CNTFR: variants seen among roughly 807,000 people sequenced by gnomAD.
CNTFR encodes ciliary neurotrophic factor receptor subunit alpha.
In CNTFR, 12 loss-of-function variants were observed where a neutral mutation model predicts 40.4. That is an observed-to-expected ratio of 0.30 (90% CI 0.19 to 0.48). The LOEUF (loss-of-function observed/expected upper bound fraction) is 0.48. Among genes scored for constraint, CNTFR ranks in the 20% least tolerant of loss-of-function variants. CNTFR has a pLI of 0.99. For missense variants in CNTFR, 414 were observed against 506.8 expected (o/e 0.82, Z 1.76); for synonymous variants, 202 against 209.6 (o/e 0.96, Z 0.31).
At chr9:34,569,439 A>C (rs1826477067) in intron 2 of CNTFR, 1 of 164,236 alleles carries the variant, frequency 6.1e-6, no homozygotes, top group African/African-American at 2.4e-5. Flanking sequence ...TGGTGAGGTT[A>C]GCTAATTAGC....
intron 2 of CNTFR, among the ~76,000 whole-genome samples, chr9:34,575,987 G>A (rs201814433): frequency 1.3e-5 from 2 of 151,454 alleles, no homozygotes; most frequent in African/African-American, 4.9e-5. Flanking sequence ...AAACACAGGC[G>A]TGAGTACGTG....
chr9:34,567,132 C>G (rs1826341068), intron 3 of CNTFR, among the ~76,000 whole-genome samples: 1 of 152,176 alleles, frequency 6.6e-6, no homozygotes, highest in South Asian at 2.1e-4. Flanking sequence ...GTGGGTGCCC[C>G]TACTGATGTG....
intron 4 of CNTFR, 21 bp from the exon 5 acceptor site, chr9:34,558,005 G>T (rs751030471): frequency 1.3e-6 from 2 of 1,498,630 alleles, no homozygotes; most frequent in Non-Finnish European, 1.8e-6. Flanking sequence ...GGACAGTATG[G>T]TCAGGGCATT....
intron 7 of CNTFR, among the ~76,000 whole-genome samples, chr9:34,553,565 G>A (rs1014238478): frequency 2.0e-5 from 3 of 152,212 alleles, no homozygotes; most frequent in Non-Finnish European, 2.9e-5. Context: ...GGCCCCAGCT[G>A]AGCCTCCCCT....
chr9:34,551,921 C>A lies in CNTFR; in HGVS notation c.*150G>T. On this transcript the variant is annotated 3_prime_UTR_variant, in exon 10 of 10. Transcript: ENST00000378980. ...CGGCAGGGCTGGGGGGCGGCAGGCC[C>A]GGGCCCGCCGGGGTCTCCACAAATT... 1.4e-6 allele frequency: 1 copy of A among 715,722 alleles called. No individual in the cohort carries two copies. Among genetic ancestry groups the A allele is most frequent in the Non-Finnish European group, 2.6e-6 (1 of 389,506 alleles). The allele number at this position is 715,722 out of a possible 1,614,324, so 44.3% of individuals were successfully genotyped here.
Position 34,552,383 on chromosome 9 carries a change from T to A in CNTFR, c.950-54A>T, listed in dbSNP as rs2132110164. On this transcript the variant is annotated intron_variant, in intron 8 of 9. Transcript: ENST00000378980. The surrounding 1 kb of genome is among the most constrained non-coding windows in gnomAD (Gnocchi z 5.1). ...AGGCCAGGGCTGGGTCCCATCCAGA[T>A]CTGGGGGCTCATGAGACATACCATT... 2 of 1,483,022 alleles carry A rather than the reference T, an allele frequency of 1.3e-6. No homozygotes were observed. The highest frequency in any genetic ancestry group is 2.8e-5 in the African/African-American group (2 of 71,946). The allele number at this position is 1,483,022 out of a possible 1,614,324, so 91.9% of individuals were successfully genotyped here.
intron 4 of CNTFR, among the ~76,000 whole-genome samples, chr9:34,561,989 C>A (rs142325792): frequency 9.8e-4 from 150 of 152,296 alleles, no homozygotes; most frequent in African/African-American, 3.5e-3. Context: ...CACAACAGGG[C>A]AGCTGTGGGC....
intron 2 of CNTFR, among the ~76,000 whole-genome samples, chr9:34,580,566 C>G (rs1827236668): frequency 6.6e-6 from 1 of 152,198 alleles, no homozygotes; most frequent in South Asian, 2.1e-4. Context: ...GGACAATAGG[C>G]CCTTCCGTTC....
chr9:34,564,970 G>A (rs1029165326), intron 3 of CNTFR, 138 bp from the exon 4 acceptor site: 86 of 703,298 alleles, frequency 1.2e-4, no homozygotes, highest in Admixed American at 2.0e-4. Flanking sequence ...GAGTGTTTGG[G>A]GAGATGAAGA....
At chr9:34,556,556 G>T (rs1825842976) in intron 6 of CNTFR, 138 bp from the exon 7 acceptor site, 1 of 787,804 alleles carries the variant, frequency 1.3e-6, no homozygotes, top group East Asian at 2.7e-5. Context: ...CTTCTCTGTT[G>T]TCAATTCTGA....
intron 3 of CNTFR, among the ~76,000 whole-genome samples, chr9:34,567,779 A>C (rs1826376307): frequency 6.6e-6 from 1 of 152,212 alleles, no homozygotes. Flanking sequence ...ATACAGCCAC[A>C]CAGAGAAATG....
Position 34,581,864 on chromosome 9 carries a change from C to A in CNTFR, c.-111-659G>T, listed in dbSNP as rs114277266. 4.9e-3 allele frequency among the ~76,000 whole-genome samples: 751 copies of A among 152,334 alleles called. 5 individuals are homozygous for A. Among genetic ancestry groups the A allele is most frequent in the African/African-American group, 0.017 (694 of 41,568 alleles). On this transcript the variant is annotated intron_variant, in intron 1 of 9. Transcript: ENST00000378980. Reference sequence around the variant, plus strand: ...AATTTGCCTGTGCAGGTCTCTCACCCACCTGCACAATGTCTTTCCCAAGAA... The same window carrying A: ...AATTTGCCTGTGCAGGTCTCTCACCAACCTGCACAATGTCTTTCCCAAGAA...
At chr9:34,569,089 G>GC in intron 2 of CNTFR, 108 bp from the exon 3 acceptor site, 2 of 1,044,164 alleles carry the variant, frequency 1.9e-6, no homozygotes, top group Non-Finnish European at 2.8e-6. Flanking sequence ...CAGCCCTAGG[G>GC]CCCTGGAGAG....
intron 4 of CNTFR, among the ~76,000 whole-genome samples, chr9:34,559,288 G>C (rs182016908): frequency 6.6e-6 from 1 of 152,322 alleles, no homozygotes; most frequent in Non-Finnish European, 1.5e-5. Flanking sequence ...TCCAGTATGT[G>C]TGATGCTGGG....
At chr9:34,567,812 C>T (rs150174402) in intron 3 of CNTFR, among the ~76,000 whole-genome samples, 1 of 152,314 alleles carries the variant, frequency 6.6e-6, no homozygotes, top group Non-Finnish European at 1.5e-5. Context: ...GACACACTCT[C>T]ACCCTCACAA....
At chr9:34,574,797 C>T (rs759605616) in intron 2 of CNTFR, among the ~76,000 whole-genome samples, 5 of 152,242 alleles carry the variant, frequency 3.3e-5, no homozygotes, top group Non-Finnish European at 7.3e-5. Flanking sequence ...CAGCCTCTTG[C>T]ACCGTGGGGA....
intron 4 of CNTFR, among the ~76,000 whole-genome samples, chr9:34,564,246 T>G (rs1477513580): frequency 6.6e-6 from 1 of 152,118 alleles, no homozygotes; most frequent in Non-Finnish European, 1.5e-5. Flanking sequence ...GCAGACACAG[T>G]GAGGCTCCTC....
rs1362815566 is a variant in CNTFR, at chr9:34,552,514, G to A, written c.949+160C>T. Reference sequence around the variant, plus strand: ...CAATGACCCCTACCAAGGATGTCCAGATAGCAAGGACCAGGAATGGCAGGA... The same window carrying A: ...CAATGACCCCTACCAAGGATGTCCAAATAGCAAGGACCAGGAATGGCAGGA... On this transcript the variant is annotated intron_variant, in intron 8 of 9. Coordinates refer to ENST00000378980, the MANE Select transcript of CNTFR (RefSeq NM_147164.3). The surrounding 1 kb of genome is among the most constrained non-coding windows in gnomAD (Gnocchi z 5.1). 1.3e-5 allele frequency among the ~76,000 whole-genome samples: 2 copies of A among 152,140 alleles called. No individual in the cohort carries two copies. The highest frequency in any genetic ancestry group is 4.1e-4 in the South Asian group (2 of 4,828).
At chr9:34,567,852 G>A (rs1826379829) in intron 3 of CNTFR, among the ~76,000 whole-genome samples, 1 of 152,186 alleles carries the variant, frequency 6.6e-6, no homozygotes. Context: ...CAGAGAGGTG[G>A]CCTTATGTCC....
Sources: allele counts gnomAD v4.1 joint callset (sites outside exome capture counted in the v4.1 genomes callset), GRCh38; gene constraint gnomAD v4.1.1; non-coding constraint Gnocchi (gnomAD v3.1); transcripts MANE v1.5; gene names NCBI Gene and HGNC (gene_info 2026-07-23, HGNC 2026-07-21).